Variants in CPA4 observed in about 807,000 individuals in gnomAD.
The protein encoded by CPA4 is carboxypeptidase A4, also known as carboxypeptidase A3.
Under a neutral mutation model 54.7 loss-of-function variants are expected in CPA4, and 49 were observed. That is an observed-to-expected ratio of 0.90 (90% CI 0.71 to 1.14). The LOEUF is 1.14. CPA4 is among the 50% of genes most tolerant of loss of function. The pLI, the probability that CPA4 is intolerant of heterozygous loss-of-function variation, is 0.00. For missense variants in CPA4, 487 were observed against 525.1 expected (o/e 0.93, Z 0.71); for synonymous variants, 215 against 206.8 (o/e 1.04, Z -0.34).
intron 10 of CPA4, among the ~76,000 whole-genome samples, chr7:130,314,879 G>C (rs559040985): frequency 6.6e-6 from 1 of 152,252 alleles, no homozygotes; most frequent in Non-Finnish European, 1.5e-5. Context: ...CGGCTTATGT[G>C]GATTTCTCTT....
intron 6 of CPA4, 107 bp from the exon 7 acceptor site, chr7:130,306,680 G>A (rs926191273): frequency 8.6e-6 from 6 of 696,362 alleles, no homozygotes; most frequent in Non-Finnish European, 1.3e-5. Context: ...GCTGTTCTAG[G>A]AGCATTCATT....
rs529482251 is a variant in CPA4, at chr7:130,317,548, G to A, written c.1079-4941G>A. Among the ~76,000 whole-genome samples the A allele has an allele frequency of 4.6e-5, 7 of 152,224 alleles. No homozygotes were observed. The South Asian group carries it at 1.5e-3, about 32-fold the overall frequency. ...TGCAATCTCGGCTCACTGCAGCCTC[G>A]ACTTCCCCAAACTCAGGTGATCCTC... On this transcript the variant is annotated intron_variant, in intron 10 of 10. Coordinates refer to ENST00000222482, the MANE Select transcript of CPA4 (RefSeq NM_016352.4).
chr7:130,317,240 G>A (rs563793512), intron 10 of CPA4, among the ~76,000 whole-genome samples: 39 of 152,310 alleles, frequency 2.6e-4, no homozygotes, highest in African/African-American at 8.4e-4. Context: ...TCACCATTGC[G>A]TTACAACTTT....
chr7:130,316,222 G>T lies in CPA4; in HGVS notation c.1078+4100G>T, dbSNP rs74316765. On this transcript the variant is annotated intron_variant, in intron 10 of 10. Transcript: ENST00000222482. ...AACTGCAACCTTTTCTGGAAGTAAA[G>T]CTGCCTTTAGATGATGGATTAGTTT... Among the ~76,000 whole-genome samples, 38 of 152,312 alleles carry T rather than the reference G, an allele frequency of 2.5e-4. No individual in the cohort carries two copies. The East Asian group carries it at 6.9e-3, about 28-fold the overall frequency.
At chr7:130,302,671 T>C (rs1793757275) in intron 4 of CPA4, among the ~76,000 whole-genome samples, 2 of 152,146 alleles carry the variant, frequency 1.3e-5, no homozygotes, top group South Asian at 4.1e-4. Flanking sequence ...GCTTGGTGTT[T>C]TAACTTTTCC....
chr7:130,303,507 T>C (rs1562929135), intron 4 of CPA4, among the ~76,000 whole-genome samples: 2 of 152,202 alleles, frequency 1.3e-5, no homozygotes, highest in African/African-American at 4.8e-5. Flanking sequence ...ATTTGTATCA[T>C]TGTGTGTGTG....
intron 10 of CPA4, among the ~76,000 whole-genome samples, chr7:130,318,379 G>A (rs1191222324): frequency 6.6e-6 from 1 of 152,162 alleles, no homozygotes; most frequent in African/African-American, 2.4e-5. Context: ...GCTCTCCCGA[G>A]GGCTGTCCAG....
chr7:130,309,614 G>A lies in CPA4; in HGVS notation c.794-1173G>A, dbSNP rs1036418483. On this transcript the variant is annotated intron_variant, in intron 8 of 10. Coordinates refer to ENST00000222482, the MANE Select transcript of CPA4 (RefSeq NM_016352.4). ...ATCATATTTATTCTTCTCACCTAGC[G>A]AGTGAATTTTATGATCTGAAATGAG... 3.9e-5 allele frequency among the ~76,000 whole-genome samples: 6 copies of A among 152,292 alleles called. 1 individual carries two copies. The highest frequency in any genetic ancestry group is 4.1e-4 in the South Asian group (2 of 4,828).
At chr7:130,293,782 G>T (rs775108227) in intron 1 of CPA4, among the ~76,000 whole-genome samples, 2 of 152,164 alleles carry the variant, frequency 1.3e-5, no homozygotes, top group African/African-American at 2.4e-5. Context: ...TTCTGAGCTG[G>T]TGCTTTCTTA....
chr7:130,298,703 A>T (rs777098353), intron 1 of CPA4, 43 bp from the exon 2 acceptor site: 1 of 1,225,280 alleles, frequency 8.2e-7, no homozygotes, highest in South Asian at 1.2e-5. Context: ...CTGAAAGCTC[A>T]TCATTATCTT....
Position 130,306,794 on chromosome 7 carries a change from C to T in CPA4, c.599C>T (p.Ser200Phe). 6.3e-7 allele frequency: 1 copy of T among 1,591,444 alleles called. No individual in the cohort carries two copies. Among genetic ancestry groups the T allele is most frequent in the Non-Finnish European group, 8.6e-7 (1 of 1,159,362 alleles). The change falls in exon 7 of 11, where the codon TCT becomes TTT. Residue 200 changes from serine (S) to phenylalanine (F), a missense_variant. Physicochemically the swap from Ser to Phe is radical, Grantham distance 155. Transcript: ENST00000222482. ...CATATTGTCTCTGCTTAGATTGTAT[C>T]TGATTACCAGAGGGATCCAGCTATC... ...TAIWTARKIV[S>F]DYQRDPAITS...
chr7:130,310,785 A>G lies in CPA4; in HGVS notation c.794-2A>G. The G allele has an allele frequency of 6.2e-7, 1 of 1,613,834 alleles. No homozygotes were observed. Among genetic ancestry groups the G allele is most frequent in the South Asian group, 1.1e-5 (1 of 91,068 alleles). The stretch of plus-strand genomic sequence containing the variant: ...TGTTTGTTCTTGGGCTATCCCCAAC[A>G]GGAAAGGGAGCCAGCGACAACCCTT... On this transcript the variant is annotated splice_acceptor_variant, in intron 8 of 10. Transcript: ENST00000222482. LOFTEE classifies it high-confidence loss of function. This position sits in a 1 kb window ranked among gnomAD's most constrained non-coding sequence, Gnocchi z 4.3.
intron 4 of CPA4, among the ~76,000 whole-genome samples, chr7:130,303,315 T>A (rs1380454805): frequency 6.6e-6 from 1 of 152,248 alleles, no homozygotes; most frequent in Non-Finnish European, 1.5e-5. Context: ...TTTCTTCACT[T>A]GCACTCACAA....
At position 130,300,930 on chromosome 7, in the gene CPA4, T is replaced by C. The variant is rs760085211; in HGVS notation, c.384+16T>C. The C allele has an allele frequency of 2.6e-6, 4 of 1,545,198 alleles. No homozygotes were observed. The highest frequency in any genetic ancestry group is 3.6e-6 in the Non-Finnish European group (4 of 1,117,574). On this transcript the variant is annotated intron_variant, in intron 4 of 10. Coordinates refer to ENST00000222482, the MANE Select transcript of CPA4 (RefSeq NM_016352.4). The stretch of plus-strand genomic sequence containing the variant: ...CCTGGAAGCTGTAAGTGTTTCAGAG[T>C]GGGTTAAGATCAAGGTTCTCTGCCT...
At chr7:130,308,815 TG>T (rs1196562762) in intron 8 of CPA4, among the ~76,000 whole-genome samples, 1 of 150,118 alleles carries the variant, frequency 6.7e-6, no homozygotes, top group Non-Finnish European at 1.5e-5. Context: ...CCTTCCAAAG[TG>T]CTGGGAGTAT....
chr7:130,323,923 G>GTGTGTGTGTT lies in CPA4; in HGVS notation c.*1256_*1257insTTGTGTGTGT, dbSNP rs1794171741. The stretch of plus-strand genomic sequence containing the variant: ...TGTGTGTGTGTGTGTGTGTGTGTGT[G>GTGTGTGTGTT]TGTGTGTGTGTGTTTGTGTGTGTGT... On this transcript the variant is annotated 3_prime_UTR_variant, in exon 11 of 11. Transcript: ENST00000222482. The GTGTGTGTGTT allele has an allele frequency of 6.5e-6, 1 of 152,680 alleles. No individual in the cohort carries two copies. Among genetic ancestry groups the GTGTGTGTGTT allele is most frequent in the African/African-American group, 2.4e-5 (1 of 41,380 alleles). The allele number at this position is 152,680 out of a possible 1,614,324, so 9.5% of individuals were successfully genotyped here.
intron 3 of CPA4, among the ~76,000 whole-genome samples, chr7:130,300,573 A>T (rs1793724664): frequency 6.6e-6 from 1 of 151,936 alleles, no homozygotes; most frequent in Non-Finnish European, 1.5e-5. Flanking sequence ...TGACCTCGTG[A>T]TCCGCCCGCC....
At chr7:130,314,448 G>A (rs149690179) in intron 10 of CPA4, among the ~76,000 whole-genome samples, 3 of 152,336 alleles carry the variant, frequency 2.0e-5, no homozygotes, top group Admixed American at 6.5e-5. Context: ...CTCCTTTCTG[G>A]AATTTATAAA....
intron 7 of CPA4, 78 bp from the exon 8 acceptor site, chr7:130,308,229 G>A (rs375042314): frequency 1.9e-5 from 24 of 1,238,942 alleles, no homozygotes; most frequent in Admixed American, 3.4e-5. Context: ...CCCTGCCTGC[G>A]TGTCATCTCC....
Sources: allele counts gnomAD v4.1 joint callset (sites outside exome capture counted in the v4.1 genomes callset), GRCh38; gene constraint gnomAD v4.1.1; non-coding constraint Gnocchi (gnomAD v3.1); transcripts MANE v1.5; gene names NCBI Gene and HGNC (gene_info 2026-07-23, HGNC 2026-07-21).